Variants in SEM1 observed in about 807,000 individuals in gnomAD.
SEM1 encodes SEM1 26S proteasome subunit, also known as 26S proteasome complex subunit SEM1.
A neutral mutation model predicts 12.7 loss-of-function variants in SEM1; 3 were observed. That is an observed-to-expected ratio of 0.24 (90% confidence interval 0.11 to 0.61). SEM1 has a LOEUF of 0.61. Ranked by LOEUF, SEM1 falls within the 20% of genes least tolerant of loss-of-function variation. The pLI is 0.88. For missense variants in SEM1, 59 were observed against 81.3 expected, an observed-to-expected ratio of 0.73 and a Z score of 1.06; for synonymous variants, 30 against 27.8, an observed-to-expected ratio of 1.08 and a Z score of -0.25.
chr7:96,615,193 C>CATCACTTTTT (rs550315853), intron 2 of SEM1, among the ~76,000 whole-genome samples: 155 of 150,086 alleles, frequency 1.0e-3, no homozygotes, highest in African/African-American at 3.7e-3. Flanking sequence ...TACCAGTTTC[C>CATCACTTTTT]ATCATCCTCT....
At chr7:96,613,929 T>C (rs1049544354) in intron 2 of SEM1, among the ~76,000 whole-genome samples, 15 of 152,258 alleles carry the variant, frequency 9.9e-5, no homozygotes, top group African/African-American at 3.6e-4. Context: ...TACCACATTT[T>C]AAAAATCCAT....
rs557410607 is a variant in SEM1, at chr7:96,688,794, T to C, written c.*130A>G. ...ATATCAAAACATTTATTTTTTGTGT[T>C]ACAAAAACACAAATAAATCCAAGCA... On this transcript the variant is annotated 3_prime_UTR_variant, in exon 3 of 3. Coordinates refer to ENST00000248566, the MANE Select transcript of SEM1 (RefSeq NM_006304.2). 1.5e-6 allele frequency: 1 copy of C among 649,416 alleles called. No homozygotes were observed. Among genetic ancestry groups the C allele is most frequent in the Non-Finnish European group, 2.7e-6 (1 of 365,824 alleles). The allele number at this position is 649,416 out of a possible 1,614,324, so 40.2% of individuals were successfully genotyped here.
intron 2 of SEM1, among the ~76,000 whole-genome samples, chr7:96,652,961 A>G (rs1450609618): frequency 6.6e-6 from 1 of 152,194 alleles, no homozygotes; most frequent in African/African-American, 2.4e-5. Flanking sequence ...GAGATTCCTC[A>G]ATTCTAATAA....
chr7:96,511,790 G>A (rs1803942711), intron 2 of SEM1, among the ~76,000 whole-genome samples: 3 of 151,900 alleles, frequency 2.0e-5, no homozygotes, highest in Non-Finnish European at 4.4e-5. Flanking sequence ...TTTTTTGATT[G>A]CCTCTCACTG....
intron 2 of SEM1, among the ~76,000 whole-genome samples, chr7:96,626,204 T>G (rs1808057514): frequency 6.6e-6 from 1 of 152,150 alleles, no homozygotes; most frequent in Non-Finnish European, 1.5e-5. Flanking sequence ...GTAACCATCC[T>G]TCTACTCTAT....
intron 1 of SEM1, among the ~76,000 whole-genome samples, chr7:96,697,915 G>A (rs967367523): frequency 2.6e-5 from 4 of 151,976 alleles, no homozygotes; most frequent in South Asian, 2.1e-4. Flanking sequence ...GCAAACACCC[G>A]TATACCCTGC....
intron 2 of SEM1, among the ~76,000 whole-genome samples, chr7:96,678,425 C>G (rs1464441658): frequency 1.3e-5 from 2 of 152,054 alleles, no homozygotes; most frequent in African/African-American, 4.8e-5. Flanking sequence ...TGGTTGTACC[C>G]TGAATCTGGA....
At chr7:96,529,773 T>A (rs1242396777) in intron 2 of SEM1, among the ~76,000 whole-genome samples, 3 of 152,136 alleles carry the variant, frequency 2.0e-5, no homozygotes, top group Non-Finnish European at 4.4e-5. Flanking sequence ...ACAAATAAAA[T>A]GTTTTTCATG....
At chr7:96,683,668 T>C (rs541251047) in intron 2 of SEM1, among the ~76,000 whole-genome samples, 175 of 152,304 alleles carry the variant, frequency 1.1e-3, no homozygotes, top group African/African-American at 4.1e-3. Context: ...AAAGAAAATG[T>C]GGCACATATA....
chr7:96,539,934 C>G (rs1204378317), intron 2 of SEM1, among the ~76,000 whole-genome samples: 2 of 150,534 alleles, frequency 1.3e-5, no homozygotes, highest in Non-Finnish European at 3.0e-5. Context: ...AAAGTAATAG[C>G]AAAACCTGCA....
intron 2 of SEM1, among the ~76,000 whole-genome samples, chr7:96,600,400 C>T (rs1807162649): frequency 6.6e-6 from 1 of 152,134 alleles, no homozygotes; most frequent in South Asian, 2.1e-4. Flanking sequence ...GGGGAGGAAC[C>T]AAACTTTCTA....
chr7:96,526,863 T>TA (rs925723494), intron 2 of SEM1, among the ~76,000 whole-genome samples: 47 of 148,820 alleles, frequency 3.2e-4, no homozygotes, highest in African/African-American at 8.1e-4. Flanking sequence ...TCCTCCTCCT[T>TA]AAAAAAAAAA....
chr7:96,601,710 C>A (rs1000590190), intron 2 of SEM1, among the ~76,000 whole-genome samples: 4 of 151,992 alleles, frequency 2.6e-5, no homozygotes, highest in African/African-American at 7.3e-5. Flanking sequence ...TAGCAGATGA[C>A]CTGATTTAAC....
chr7:96,490,339 A>G (rs1204331204), intron 1 of SEM1, among the ~76,000 whole-genome samples: 1 of 152,212 alleles, frequency 6.6e-6, no homozygotes, highest in East Asian at 1.9e-4. Context: ...TCTTTGTAGA[A>G]AGACTTGTAT....
intron 2 of SEM1, among the ~76,000 whole-genome samples, chr7:96,648,342 A>C (rs764702022): frequency 6.6e-6 from 1 of 152,214 alleles, no homozygotes; most frequent in Non-Finnish European, 1.5e-5. Flanking sequence ...AATACATACC[A>C]GAAATTTCCA....
chr7:96,557,137 C>A (rs1223627867), intron 2 of SEM1, among the ~76,000 whole-genome samples: 1 of 150,162 alleles, frequency 6.7e-6, no homozygotes, highest in Non-Finnish European at 1.5e-5. Context: ...TTGGTTTGAA[C>A]GTCCTCCCGT....
intron 2 of SEM1, among the ~76,000 whole-genome samples, chr7:96,518,772 A>G (rs1257256538): frequency 1.3e-5 from 2 of 152,148 alleles, no homozygotes; most frequent in Non-Finnish European, 2.9e-5. Flanking sequence ...GATGTTTTAT[A>G]TCATCCCCCC....
chr7:96,556,929 A>T (rs1805523880), intron 2 of SEM1, among the ~76,000 whole-genome samples: 4 of 146,598 alleles, frequency 2.7e-5, no homozygotes, highest in Admixed American at 6.8e-5. Flanking sequence ...TTCTCGCTTC[A>T]TTTCATTCAT....
rs528401700 is a variant in SEM1 at position 96,546,077 on chromosome 7, G to C, written c.171-39379C>G. Reference sequence around the variant, plus strand: ...TCTCTGTTTCTCTGAGAAGAATCTTGCTCTGATTTCTTGGAGAGGGGGTTG... The same window carrying C: ...TCTCTGTTTCTCTGAGAAGAATCTTCCTCTGATTTCTTGGAGAGGGGGTTG... On this transcript the variant is annotated intron_variant and NMD_transcript_variant, in intron 2 of 3. Coordinates refer to the SEM1 transcript ENST00000466986. 5.3e-5 allele frequency among the ~76,000 whole-genome samples: 8 copies of C among 152,168 alleles called. No individual in the cohort carries two copies. In the South Asian group the frequency reaches 1.5e-3, roughly 28 times the overall value.
Sources: allele counts gnomAD v4.1 joint callset (sites outside exome capture counted in the v4.1 genomes callset), GRCh38; gene constraint gnomAD v4.1.1; transcripts MANE v1.5; gene names NCBI Gene and HGNC (gene_info 2026-07-23, HGNC 2026-07-21).